Variants in FOXJ3 observed in about 807,000 individuals in gnomAD.
FOXJ3 encodes forkhead box J3.
A neutral mutation model predicts 76.1 loss-of-function variants in FOXJ3; 22 were observed. That is an observed-to-expected ratio of 0.29 (90% CI 0.21 to 0.41). The LOEUF (loss-of-function observed/expected upper bound fraction) is 0.41, where lower values mean the gene tolerates loss of function less well. Ranked by LOEUF, FOXJ3 falls within the 10% of genes least tolerant of loss-of-function variation. The probability of loss-of-function intolerance (pLI) is 1.00; values close to 1 mark genes in which losing one functional copy is unlikely to be tolerated. For synonymous variants in FOXJ3, 269 were observed against 261.2 expected (o/e 1.03, Z -0.29); for missense variants, 613 against 762.1 (o/e 0.80, Z 2.30).
At chr1:42,180,039 T>C (rs1646286938) in intron 12 of FOXJ3, among the ~76,000 whole-genome samples, 1 of 152,090 alleles carries the variant, frequency 6.6e-6, no homozygotes. Context: ...ACACAACCAG[T>C]AGGGGACAAA....
chr1:42,214,837 T>C (rs893454823), intron 5 of FOXJ3, among the ~76,000 whole-genome samples: 1 of 152,158 alleles, frequency 6.6e-6, no homozygotes, highest in Non-Finnish European at 1.5e-5. Flanking sequence ...AAAGACATAA[T>C]ACATAATCCT....
intron 2 of FOXJ3, among the ~76,000 whole-genome samples, chr1:42,288,969 T>C (rs1240984930): frequency 1.3e-5 from 2 of 152,164 alleles, no homozygotes; most frequent in African/African-American, 2.4e-5. Flanking sequence ...TTCAATTATA[T>C]TTGTTATATG....
intron 3 of FOXJ3, among the ~76,000 whole-genome samples, chr1:42,277,433 C>A (rs984368783): frequency 6.6e-6 from 1 of 151,684 alleles, no homozygotes; most frequent in Non-Finnish European, 1.5e-5. Context: ...GAGGCCGAGG[C>A]GGGCGGATCA....
At chr1:42,208,706 G>A (rs1279081399) in intron 5 of FOXJ3, among the ~76,000 whole-genome samples, 1 of 152,170 alleles carries the variant, frequency 6.6e-6, no homozygotes, top group African/African-American at 2.4e-5. Context: ...TTAGGCAAGA[G>A]AAGGAACTAG....
chr1:42,212,573 T>C (rs1324573364), intron 5 of FOXJ3, among the ~76,000 whole-genome samples: 2 of 151,922 alleles, frequency 1.3e-5, no homozygotes, highest in Non-Finnish European at 2.9e-5. Flanking sequence ...CTCCAAAATA[T>C]ATGGGATTAT....
intron 2 of FOXJ3, among the ~76,000 whole-genome samples, chr1:42,307,627 G>T (rs992054067): frequency 6.6e-6 from 1 of 152,144 alleles, no homozygotes; most frequent in Admixed American, 6.5e-5. Flanking sequence ...TGTTGTTACA[G>T]TGACTTTTGT....
At chr1:42,271,931 A>G (rs943288284) in intron 3 of FOXJ3, among the ~76,000 whole-genome samples, 13 of 152,242 alleles carry the variant, frequency 8.5e-5, no homozygotes, top group Non-Finnish European at 1.8e-4. Context: ...GGCATGAGCC[A>G]TGAGCCCCCA....
intron 12 of FOXJ3, among the ~76,000 whole-genome samples, chr1:42,181,711 C>T (rs7511677): frequency 0.011 from 1,733 of 152,304 alleles, 38 homozygotes; most frequent in African/African-American, 0.04. Flanking sequence ...CTTGAGGCAG[C>T]CTCATTCACC....
At chr1:42,230,341 C>A (rs1647974870) in intron 4 of FOXJ3, among the ~76,000 whole-genome samples, 2 of 151,922 alleles carry the variant, frequency 1.3e-5, no homozygotes, top group African/African-American at 2.4e-5. Context: ...TCAAAAAAAA[C>A]AGAAAATAGC....
intron 2 of FOXJ3, among the ~76,000 whole-genome samples, chr1:42,297,546 T>C (rs1255052483): frequency 6.6e-6 from 1 of 152,226 alleles, no homozygotes; most frequent in Non-Finnish European, 1.5e-5. Flanking sequence ...TTTGGTTCTA[T>C]TTATGTGGTG....
intron 8 of FOXJ3, 70 bp downstream of exon 8, chr1:42,194,820 C>A: frequency 1.1e-6 from 1 of 933,326 alleles, no homozygotes; most frequent in Non-Finnish European, 1.6e-6. Flanking sequence ...ATAACAGCTG[C>A]CATGTGAAAT....
At chr1:42,218,893 A>C (rs957598136) in intron 5 of FOXJ3, among the ~76,000 whole-genome samples, 4 of 152,186 alleles carry the variant, frequency 2.6e-5, no homozygotes, top group Non-Finnish European at 4.4e-5. Flanking sequence ...CACCATGCCA[A>C]ATATATCTCT....
intron 2 of FOXJ3, among the ~76,000 whole-genome samples, chr1:42,284,977 G>A (rs1054331750): frequency 1.3e-5 from 2 of 152,068 alleles, no homozygotes; most frequent in Non-Finnish European, 2.9e-5. Context: ...TCTTAGATTT[G>A]TCACTAGATC....
intron 1 of FOXJ3, among the ~76,000 whole-genome samples, chr1:42,323,388 C>T (rs1008750307): frequency 3.3e-5 from 5 of 152,076 alleles, no homozygotes; most frequent in African/African-American, 1.2e-4. Context: ...ATTAGCCAAC[C>T]ACTCCTCCAA....
At chr1:42,272,086 C>G (rs1171136828) in intron 3 of FOXJ3, among the ~76,000 whole-genome samples, 1 of 152,226 alleles carries the variant, frequency 6.6e-6, no homozygotes, top group Non-Finnish European at 1.5e-5. Context: ...TACTAAAATT[C>G]TATTTGAGTC....
At chr1:42,206,929 C>CA (rs1182810168) in intron 5 of FOXJ3, among the ~76,000 whole-genome samples, 1 of 152,080 alleles carries the variant, frequency 6.6e-6, no homozygotes, top group Non-Finnish European at 1.5e-5. Flanking sequence ...CTCCCATGCT[C>CA]AAGCGATTCT....
At chr1:42,199,701 A>G (rs1646721963) in intron 6 of FOXJ3, among the ~76,000 whole-genome samples, 1 of 151,982 alleles carries the variant, frequency 6.6e-6, no homozygotes, top group Non-Finnish European at 1.5e-5. Context: ...CAACTGTTCA[A>G]CACATTTATA....
intron 3 of FOXJ3, among the ~76,000 whole-genome samples, chr1:42,270,492 A>G (rs1651789096): frequency 6.6e-6 from 1 of 152,194 alleles, no homozygotes; most frequent in Non-Finnish European, 1.5e-5. Flanking sequence ...AAAAACACTG[A>G]GATACGAAAG....
chr1:42,264,155 G>C (rs951172966), intron 4 of FOXJ3, among the ~76,000 whole-genome samples: 2 of 151,956 alleles, frequency 1.3e-5, no homozygotes, highest in Non-Finnish European at 2.9e-5. Context: ...GCTCAATACT[G>C]AAAGATAAGA....
Sources: allele counts gnomAD v4.1 joint callset (sites outside exome capture counted in the v4.1 genomes callset), GRCh38; gene constraint gnomAD v4.1.1; transcripts MANE v1.5; gene names NCBI Gene and HGNC (gene_info 2026-07-23, HGNC 2026-07-21).